PRKG1: variants seen among roughly 807,000 people sequenced by gnomAD.
PRKG1 encodes the protein cGMP-dependent protein kinase 1.
A neutral mutation model predicts 88.1 loss-of-function variants in PRKG1; 35 were observed. That is an observed-to-expected ratio of 0.40 (90% CI 0.30 to 0.53). The LOEUF (loss-of-function observed/expected upper bound fraction) is 0.53. Among genes scored for constraint, PRKG1 ranks in the 20% least tolerant of loss-of-function variants. The pLI, the probability that PRKG1 is intolerant of heterozygous loss-of-function variation, is 0.59. For missense variants in PRKG1, 540 were observed against 839.8 expected (o/e 0.64, Z 4.41); for synonymous variants, 303 against 292.5 (o/e 1.04, Z -0.37).
chr10:52,010,687 G>A (rs571778935), intron 5 of PRKG1, among the ~76,000 whole-genome samples: 58 of 152,236 alleles, frequency 3.8e-4, no homozygotes, highest in African/African-American at 1.4e-3. Flanking sequence ...TAAACCGACG[G>A]CCTTCCCACT....
chr10:51,741,577 G>A (rs1837435218), intron 3 of PRKG1, among the ~76,000 whole-genome samples: 1 of 152,092 alleles, frequency 6.6e-6, no homozygotes. Flanking sequence ...AACCTGAGAA[G>A]TTTTAAGACG....
intron 3 of PRKG1, among the ~76,000 whole-genome samples, chr10:51,493,869 C>G (rs1297092319): frequency 2.0e-5 from 3 of 152,018 alleles, no homozygotes; most frequent in Non-Finnish European, 4.4e-5. Context: ...ACTGAGGATT[C>G]CTTCCAAGAG....
chr10:51,434,119 A>G (rs1400718393), intron 2 of PRKG1, among the ~76,000 whole-genome samples: 1 of 152,080 alleles, frequency 6.6e-6, no homozygotes, highest in Non-Finnish European at 1.5e-5. Context: ...TCTTTAAACA[A>G]TGCTAGCAAG....
intron 2 of PRKG1, among the ~76,000 whole-genome samples, chr10:51,223,906 A>G (rs1161941857): frequency 1.3e-5 from 2 of 152,170 alleles, no homozygotes; most frequent in Admixed American, 6.5e-5. Context: ...TCATTGTTTT[A>G]CTTTGAATAC....
chr10:51,056,437 T>C (rs1235685453), intron 1 of PRKG1, among the ~76,000 whole-genome samples: 1 of 152,206 alleles, frequency 6.6e-6, no homozygotes, highest in African/African-American at 2.4e-5. Context: ...GGAATGCTTG[T>C]TTATTATAAG....
intron 7 of PRKG1, among the ~76,000 whole-genome samples, chr10:52,085,824 C>T (rs1336233410): frequency 2.0e-5 from 3 of 151,988 alleles, no homozygotes; most frequent in Non-Finnish European, 2.9e-5. Flanking sequence ...TCCCCCTTTC[C>T]CTGGTTCCTA....
At chr10:52,288,701 C>T (rs1842174346) in intron 14 of PRKG1, 25 bp from the exon 15 acceptor site, 1 of 1,560,782 alleles carries the variant, frequency 6.4e-7, no homozygotes, top group African/African-American at 1.4e-5. Context: ...AGTAATATCT[C>T]TTGTCGTGTC....
chr10:51,186,366 T>A (rs886633629), intron 2 of PRKG1, among the ~76,000 whole-genome samples: 18 of 152,116 alleles, frequency 1.2e-4, no homozygotes, highest in African/African-American at 4.1e-4. Context: ...TACATTCCAT[T>A]TTTATTTAAC....
intron 3 of PRKG1, among the ~76,000 whole-genome samples, chr10:51,630,608 T>C (rs1462970045): frequency 6.6e-6 from 1 of 152,200 alleles, no homozygotes; most frequent in East Asian, 1.9e-4. Context: ...AAACAAGCAT[T>C]ATTGCCTTAT....
chr10:51,761,726 A>G (rs777493721), intron 3 of PRKG1, among the ~76,000 whole-genome samples: 1 of 152,172 alleles, frequency 6.6e-6, no homozygotes, highest in Non-Finnish European at 1.5e-5. Context: ...ATCCCTAAAC[A>G]TTAAAGAAAA....
chr10:51,889,760 T>C (rs1841669908), intron 4 of PRKG1, among the ~76,000 whole-genome samples: 1 of 152,224 alleles, frequency 6.6e-6, no homozygotes, highest in Non-Finnish European at 1.5e-5. Flanking sequence ...CTAACTGGTA[T>C]GAGATGGTAT....
intron 1 of PRKG1, among the ~76,000 whole-genome samples, chr10:51,142,887 G>A (rs1845853849): frequency 6.6e-6 from 1 of 152,000 alleles, no homozygotes; most frequent in Admixed American, 6.6e-5. Context: ...CTTTTATCAT[G>A]TACAATATGA....
chr10:52,289,721 T>G (rs1295626726), intron 16 of PRKG1, among the ~76,000 whole-genome samples: 3 of 152,130 alleles, frequency 2.0e-5, no homozygotes, highest in Non-Finnish European at 4.4e-5. Context: ...CAAAATATCT[T>G]TATTCTTCAT....
intron 2 of PRKG1, among the ~76,000 whole-genome samples, chr10:51,379,880 A>C (rs1353977412): frequency 1.3e-5 from 2 of 152,194 alleles, no homozygotes; most frequent in Admixed American, 1.3e-4. Context: ...ATTTTTGCAC[A>C]ATCTATAGCT....
chr10:51,205,532 C>G (rs1311065554), intron 2 of PRKG1, among the ~76,000 whole-genome samples: 1 of 151,438 alleles, frequency 6.6e-6, no homozygotes, highest in African/African-American at 2.4e-5. Flanking sequence ...GGTAATAGGG[C>G]TTTTTTTAAA....
chr10:52,130,494 T>C (rs1336444392), intron 7 of PRKG1, among the ~76,000 whole-genome samples: 1 of 152,230 alleles, frequency 6.6e-6, no homozygotes, highest in African/African-American at 2.4e-5. Context: ...AGCACTATTT[T>C]GTATTTATTA....
At chr10:51,555,402 T>G (rs1350308756) in intron 3 of PRKG1, among the ~76,000 whole-genome samples, 3 of 151,650 alleles carry the variant, frequency 2.0e-5, no homozygotes, top group African/African-American at 7.3e-5. Context: ...GAAACCAAAC[T>G]TAAGAAAAAG....
At chr10:51,602,249 T>C (rs1481383454) in intron 3 of PRKG1, among the ~76,000 whole-genome samples, 1 of 152,178 alleles carries the variant, frequency 6.6e-6, no homozygotes, top group East Asian at 1.9e-4. Context: ...AACTGGTAAA[T>C]GGAACTATTG....
chr10:51,604,525 G>C (rs546959723), intron 3 of PRKG1, among the ~76,000 whole-genome samples: 2 of 152,146 alleles, frequency 1.3e-5, no homozygotes, highest in Non-Finnish European at 2.9e-5. Flanking sequence ...ATGGGCTCTC[G>C]CCACACAGAT....
Sources: allele counts gnomAD v4.1 joint callset (sites outside exome capture counted in the v4.1 genomes callset), GRCh38; gene constraint gnomAD v4.1.1; transcripts MANE v1.5; gene names NCBI Gene and HGNC (gene_info 2026-07-23, HGNC 2026-07-21).